The following ARMC3 variants were observed in gnomAD, a reference collection of about 807,000 sequenced individuals.
ARMC3 encodes the protein armadillo repeat containing 3.
ARMC3 carries 74 observed loss-of-function variants against 90.3 expected under a neutral mutation model. The observed-to-expected ratio is 0.82, with a 90% confidence interval of 0.68 to 0.99. ARMC3 has a LOEUF of 0.99. Ranked by LOEUF, ARMC3 falls within the 50% of genes least tolerant of loss-of-function variation. The pLI, the probability that ARMC3 is intolerant of heterozygous loss-of-function variation, is 0.00. For synonymous variants in ARMC3, 334 were observed against 361.8 expected (o/e 0.92, Z 0.87); for missense variants, 958 against 1,042.8 (o/e 0.92, Z 1.12).
At chr10:23,017,200 TCTTTTA>T (rs1323280501) in intron 16 of ARMC3, among the ~76,000 whole-genome samples, 2 of 152,168 alleles carry the variant, frequency 1.3e-5, no homozygotes, top group African/African-American at 2.4e-5. Context: ...TTAACCTCTC[TCTTTTA>T]CTTAGCTGCA....
intron 7 of ARMC3, among the ~76,000 whole-genome samples, chr10:22,962,311 CTTCCTCTTGAT>C (rs1413833166): frequency 6.6e-6 from 1 of 152,164 alleles, no homozygotes; most frequent in African/African-American, 2.4e-5. Context: ...TGTCTATGAT[CTTCCTCTTGAT>C]TTCCTGAAAC....
chr10:22,992,886 G>A (rs552005868), intron 10 of ARMC3, among the ~76,000 whole-genome samples: 4 of 152,144 alleles, frequency 2.6e-5, no homozygotes, highest in Non-Finnish European at 4.4e-5. Context: ...TCCTGCAGCC[G>A]GCAAGGCTTA....
At chr10:23,010,922 T>C (rs11593236) in intron 16 of ARMC3, among the ~76,000 whole-genome samples, 1 of 4,170 alleles carries the variant, frequency 2.4e-4, no homozygotes, top group African/African-American at 6.1e-4. Flanking sequence ...CTTCTTCCCT[T>C]CCCTCCCCCT....
chr10:23,018,989 T>C (rs1035965753), intron 16 of ARMC3, among the ~76,000 whole-genome samples: 14 of 152,118 alleles, frequency 9.2e-5, no homozygotes, highest in Admixed American at 9.2e-4. Flanking sequence ...GCTGTGGACA[T>C]CCTCCCCACT....
intron 5 of ARMC3, 86 bp downstream of exon 5, chr10:22,959,224 A>C: frequency 7.1e-7 from 1 of 1,408,788 alleles, no homozygotes; most frequent in Non-Finnish European, 1.0e-6. Flanking sequence ...CATTCATGAA[A>C]TATTGTAAAG....
intron 7 of ARMC3, among the ~76,000 whole-genome samples, chr10:22,964,176 A>G (rs1458804247): frequency 1.3e-5 from 2 of 152,118 alleles, no homozygotes; most frequent in African/African-American, 4.8e-5. Flanking sequence ...TTCCTAAAAT[A>G]TGAACTACAT....
intron 18 of ARMC3, among the ~76,000 whole-genome samples, chr10:23,035,232 G>C (rs952964174): frequency 6.6e-6 from 1 of 152,062 alleles, no homozygotes; most frequent in Admixed American, 6.6e-5. Context: ...TTATTATAGG[G>C]ACACTAATCC....
intron 3 of ARMC3, chr10:22,946,750 CTT>C (rs1412142789): frequency 6.6e-6 from 1 of 152,552 alleles, no homozygotes; most frequent in East Asian, 1.9e-4. Flanking sequence ...ACTTCCGACT[CTT>C]TGAGTGGGAG....
chr10:22,950,200 AATAC>A (rs1395163957), intron 3 of ARMC3, among the ~76,000 whole-genome samples: 2 of 152,262 alleles, frequency 1.3e-5, no homozygotes, highest in Middle Eastern at 3.4e-3. Context: ...TACAAAAAAG[AATAC>A]AGAGTGCTAG....
intron 2 of ARMC3, among the ~76,000 whole-genome samples, chr10:22,932,787 C>T (rs889114443): frequency 3.3e-5 from 5 of 152,214 alleles, no homozygotes; most frequent in African/African-American, 1.2e-4. Flanking sequence ...GGGCTAATGG[C>T]AGAAATCTGC....
rs772372004 is a variant in ARMC3 at position 22,946,173 on chromosome 10, AG to A, written c.79del (p.Ala27GlnfsTer6). On this transcript the variant is annotated frameshift_variant, in exon 3 of 19. Coordinates refer to ENST00000298032, the MANE Select transcript of ARMC3 (RefSeq NM_173081.5). LOFTEE classifies it high-confidence loss of function. The part of the protein sequence containing the change: ...FDPLMIESKK[A>X]ATVVLMLNSP... ...ACCCATTAATGATTGAAAGCAAAAA[AG>A]CAGCAACTGTGGTGTTAATGCTTAA... 4.3e-6 allele frequency: 7 copies of A among 1,612,026 alleles called. No homozygotes were observed. Among genetic ancestry groups the A allele is most frequent in the South Asian group, 1.1e-5 (1 of 90,186 alleles).
chr10:23,010,385 CCT>C (rs1303824844), intron 16 of ARMC3, among the ~76,000 whole-genome samples: 4 of 120,206 alleles, frequency 3.3e-5, no homozygotes, highest in Admixed American at 8.2e-5. Flanking sequence ...CCTTCCTTCC[CCT>C]CTCTTTCCCT....
At chr10:23,004,519 T>G (rs74124511) in intron 13 of ARMC3, among the ~76,000 whole-genome samples, 2,971 of 152,250 alleles carry the variant, frequency 0.02, 94 homozygotes, top group African/African-American at 0.068. Flanking sequence ...GTATCCTTCC[T>G]GAGGTCATGG....
chr10:23,025,005 G>T (rs1446885644), intron 16 of ARMC3, among the ~76,000 whole-genome samples: 1 of 151,988 alleles, frequency 6.6e-6, no homozygotes, highest in Non-Finnish European at 1.5e-5. Context: ...AATAAAGAGG[G>T]ACATTACATT....
intron 7 of ARMC3, among the ~76,000 whole-genome samples, chr10:22,962,999 TA>T (rs1385673321): frequency 6.6e-6 from 1 of 152,186 alleles, no homozygotes; most frequent in Non-Finnish European, 1.5e-5. Context: ...TCCTGTTTTT[TA>T]AAAGGGGAAC....
intron 16 of ARMC3, chr10:23,013,976 TGAAAG>T: frequency 9.4e-7 from 1 of 1,058,756 alleles, no homozygotes; most frequent in Non-Finnish European, 1.3e-6. Context: ...TGCTGTTTGT[TGAAAG>T]GAACAGATGT....
At chr10:22,992,449 A>G (rs1381387370) in intron 10 of ARMC3, among the ~76,000 whole-genome samples, 1 of 152,132 alleles carries the variant, frequency 6.6e-6, no homozygotes, top group East Asian at 1.9e-4. Context: ...TTATTTTGCT[A>G]TAGATGCAAA....
At chr10:22,998,607 T>C (rs1176662278) in intron 11 of ARMC3, among the ~76,000 whole-genome samples, 2 of 152,248 alleles carry the variant, frequency 1.3e-5, no homozygotes, top group Non-Finnish European at 2.9e-5. Context: ...CAATTCTGTT[T>C]CTAAGTATAT....
intron 10 of ARMC3, among the ~76,000 whole-genome samples, chr10:22,986,249 C>A (rs945510613): frequency 6.6e-6 from 1 of 151,782 alleles, no homozygotes; most frequent in Non-Finnish European, 1.5e-5. Context: ...AGGCTTACAT[C>A]AAAAATACAA....
Sources: gnomAD v4.1 joint callset for allele counts (sites outside exome capture counted in the v4.1 genomes callset) on GRCh38, gnomAD v4.1.1 for gene constraint, MANE v1.5 for transcripts, NCBI Gene and HGNC (gene_info 2026-07-23, HGNC 2026-07-21) for gene names.